Variants in SEMA3A observed in about 807,000 individuals in gnomAD.
The protein encoded by SEMA3A is semaphorin 3A.
In SEMA3A, 29 loss-of-function variants were observed where a neutral mutation model predicts 97.9. That is an observed-to-expected ratio of 0.30 (90% confidence interval 0.22 to 0.40). The LOEUF is 0.40. Among genes scored for constraint, SEMA3A ranks in the 10% least tolerant of loss-of-function variants. The pLI is 1.00. For missense variants in SEMA3A, 763 were observed against 951.3 expected (o/e 0.80, Z 2.60); for synonymous variants, 321 against 323.7 (o/e 0.99, Z 0.09).
intron 1 of SEMA3A, among the ~76,000 whole-genome samples, chr7:84,172,645 C>T (rs1267290561): frequency 1.3e-5 from 2 of 152,026 alleles, no homozygotes; most frequent in Non-Finnish European, 2.9e-5. Flanking sequence ...CCAGGATGGT[C>T]TCGATCTCCT....
Position 83,961,310 on chromosome 7 carries a change from T to G in SEMA3A, c.*61A>C. 2 of 1,368,796 alleles carry G rather than the reference T, an allele frequency of 1.5e-6. No individual in the cohort carries two copies. The highest frequency in any genetic ancestry group is 3.5e-5 in the Admixed American group (2 of 56,990). The allele number at this position is 1,368,796 out of a possible 1,614,324, so 84.8% of individuals were successfully genotyped here. The stretch of plus-strand genomic sequence containing the variant: ...AAAAAGTTCATGTATATTGCATTTG[T>G]TTTTCCAGTTATTGTCTAGGCAAGT... On this transcript the variant is annotated 3_prime_UTR_variant, in exon 17 of 17. Coordinates refer to ENST00000265362, the MANE Select transcript of SEMA3A (RefSeq NM_006080.3).
chr7:84,068,208 G>A (rs954145717), intron 4 of SEMA3A, among the ~76,000 whole-genome samples: 7 of 145,314 alleles, frequency 4.8e-5, no homozygotes, highest in Non-Finnish European at 8.9e-5. Flanking sequence ...TCACTCATAG[G>A]TGGGAATTGA....
At position 84,067,708 on chromosome 7, in the gene SEMA3A, C is replaced by CA. The variant is rs1397961782; in HGVS notation, c.454-7151dup. On this transcript the variant is annotated intron_variant, in intron 4 of 16. Transcript: ENST00000265362. ...CACTGGTCATCAGAGAAATGCAAAT[C>CA]AAAACCACAATAAGATACCATCTCA... 1.3e-3 allele frequency among the ~76,000 whole-genome samples: 193 copies of CA among 152,130 alleles called. 1 individual carries two copies. Among genetic ancestry groups the CA allele is most frequent in the Middle Eastern group, 3.4e-3 (1 of 294 alleles).
chr7:84,463,727 G>T (rs1054463787), intron 1 of SEMA3A, among the ~76,000 whole-genome samples: 1 of 152,002 alleles, frequency 6.6e-6, no homozygotes, highest in Non-Finnish European at 1.5e-5. Flanking sequence ...CAACTTCTGA[G>T]AATCAACTAA....
chr7:84,384,834 G>A (rs769986897), intron 1 of SEMA3A, among the ~76,000 whole-genome samples: 3 of 152,096 alleles, frequency 2.0e-5, no homozygotes, highest in African/African-American at 4.8e-5. Context: ...AATATTTAGA[G>A]AGCATTATTT....
intron 2 of SEMA3A, among the ~76,000 whole-genome samples, chr7:84,344,513 C>T (rs1802247846): frequency 6.6e-6 from 1 of 152,034 alleles, no homozygotes; most frequent in Non-Finnish European, 1.5e-5. Flanking sequence ...GGACTAAGTT[C>T]CAAAAGGCCA....
At chr7:84,359,123 C>T (rs1019824875) in intron 2 of SEMA3A, among the ~76,000 whole-genome samples, 2 of 152,038 alleles carry the variant, frequency 1.3e-5, no homozygotes, top group African/African-American at 4.8e-5. Context: ...AATTGAATAC[C>T]CTTTATTTCT....
chr7:83,992,394 C>G (rs1456513657), intron 12 of SEMA3A, among the ~76,000 whole-genome samples: 2 of 141,552 alleles, frequency 1.4e-5, no homozygotes, highest in Non-Finnish European at 3.1e-5. Context: ...TTTTCTAGTT[C>G]TTTTAATTGT....
intron 3 of SEMA3A, among the ~76,000 whole-genome samples, chr7:84,286,971 A>G (rs1040229386): frequency 1.3e-5 from 2 of 152,164 alleles, no homozygotes; most frequent in Non-Finnish European, 2.9e-5. Context: ...GTAATGTTTA[A>G]AAACTATATT....
intron 2 of SEMA3A, among the ~76,000 whole-genome samples, chr7:84,323,630 C>A (rs1461858953): frequency 6.6e-6 from 1 of 152,076 alleles, no homozygotes; most frequent in East Asian, 1.9e-4. Flanking sequence ...TGCTTCCATG[C>A]TAAATATGAC....
At chr7:84,066,144 A>G (rs1222611508) in intron 4 of SEMA3A, among the ~76,000 whole-genome samples, 6 of 151,816 alleles carry the variant, frequency 4.0e-5, no homozygotes, top group Non-Finnish European at 8.8e-5. Context: ...GTAATCCAGC[A>G]TATAAACAGA....
intron 1 of SEMA3A, among the ~76,000 whole-genome samples, chr7:84,471,395 A>T (rs753007179): frequency 2.9e-4 from 44 of 152,278 alleles, no homozygotes; most frequent in Middle Eastern, 6.8e-3. Flanking sequence ...GGACGTAAGG[A>T]CATCCCTAAA....
Position 83,981,457 on chromosome 7 carries a change from T to C in SEMA3A, c.1516A>G (p.Thr506Ala), listed in dbSNP as rs369182739. The change falls in exon 14 of 17, where the codon ACG becomes GCG. Residue 506 changes from threonine to alanine, a missense_variant. Transcript: ENST00000265362. The part of the protein sequence containing the change: ...TKQQQLYIGS[T>A]AGVAQLPLHR... ...AAAGGGAGCTGGGCAACCCCAGCCGTTGAACCAATATATAGTTGTTGCTGT... is the reference window on the plus strand; with the variant it reads ...AAAGGGAGCTGGGCAACCCCAGCCGCTGAACCAATATATAGTTGTTGCTGT... 3.1e-6 allele frequency: 5 copies of C among 1,611,976 alleles called. No homozygotes were observed. Among genetic ancestry groups the C allele is most frequent in the South Asian group, 1.1e-5 (1 of 90,544 alleles).
intron 3 of SEMA3A, among the ~76,000 whole-genome samples, chr7:84,256,535 C>G (rs1317310837): frequency 6.6e-6 from 1 of 151,884 alleles, no homozygotes; most frequent in Non-Finnish European, 1.5e-5. Context: ...TCTAGTAAAC[C>G]ACTGTAATAA....
chr7:84,101,495 A>C (rs935386944), intron 4 of SEMA3A, among the ~76,000 whole-genome samples: 1 of 152,162 alleles, frequency 6.6e-6, no homozygotes, highest in Non-Finnish European at 1.5e-5. Flanking sequence ...ACCACTGTGC[A>C]ACTATAACAC....
chr7:84,202,819 T>A (rs573393883), intron 3 of SEMA3A, among the ~76,000 whole-genome samples: 24 of 152,302 alleles, frequency 1.6e-4, no homozygotes, highest in Admixed American at 4.6e-4. Flanking sequence ...TAGTCATGAA[T>A]GTCCTAATGC....
intron 1 of SEMA3A, among the ~76,000 whole-genome samples, chr7:84,380,254 C>T (rs1178779331): frequency 2.0e-5 from 3 of 152,154 alleles, no homozygotes; most frequent in African/African-American, 7.2e-5. Flanking sequence ...GCTTTAAATG[C>T]TTTTAGATCA....
At chr7:84,016,516 C>A (rs930278415) in intron 6 of SEMA3A, among the ~76,000 whole-genome samples, 2 of 144,498 alleles carry the variant, frequency 1.4e-5, no homozygotes, top group Non-Finnish European at 3.0e-5. Flanking sequence ...CCAGCCTGGG[C>A]GACAGAGCGA....
At chr7:84,383,301 T>C (rs983252142) in intron 1 of SEMA3A, among the ~76,000 whole-genome samples, 1 of 152,122 alleles carries the variant, frequency 6.6e-6, no homozygotes, top group Non-Finnish European at 1.5e-5. Flanking sequence ...TGGAATATTC[T>C]GACTAATAAC....
Sources: gnomAD v4.1 joint callset for allele counts (sites outside exome capture counted in the v4.1 genomes callset) on GRCh38, gnomAD v4.1.1 for gene constraint, MANE v1.5 for transcripts, NCBI Gene and HGNC (gene_info 2026-07-23, HGNC 2026-07-21) for gene names.